The following TAX1BP1 variants were observed in gnomAD, a reference collection of about 807,000 sequenced individuals.
The protein encoded by TAX1BP1 is Tax1 binding protein 1.
In TAX1BP1, 62 loss-of-function variants were observed where a neutral mutation model predicts 97.7. That is an observed-to-expected ratio of 0.63 (90% CI 0.52 to 0.78). TAX1BP1 has a LOEUF of 0.78. Among genes scored for constraint, TAX1BP1 ranks in the 30% least tolerant of loss-of-function variants. The pLI is 0.00. For synonymous variants in TAX1BP1, 340 were observed against 304.2 expected (o/e 1.12, Z -1.23); for missense variants, 867 against 916.1 (o/e 0.95, Z 0.69).
At position 27,763,060 on chromosome 7, in the gene TAX1BP1, C is replaced by T. The variant is rs936649108; in HGVS notation, c.266-2774C>T. Among the ~76,000 whole-genome samples the T allele has an allele frequency of 9.2e-5, 14 of 152,138 alleles. No homozygotes were observed. The South Asian group carries it at 1.0e-3, about 11-fold the overall frequency. On this transcript the variant is annotated intron_variant, in intron 3 of 16. Transcript: ENST00000396319. ...TGAAATTCAGAAATAAAAGCATCTC[C>T]GTGCCTAGAACTTTTTTGTTATATA...
chr7:27,779,050 A>G (rs1012211700), intron 5 of TAX1BP1, among the ~76,000 whole-genome samples: 6 of 151,754 alleles, frequency 4.0e-5, no homozygotes, highest in Admixed American at 3.3e-4. Flanking sequence ...CTCTGTCTCT[A>G]TATTTGCCTT....
chr7:27,800,291 T>C (rs1427774482), intron 13 of TAX1BP1, among the ~76,000 whole-genome samples: 1 of 152,254 alleles, frequency 6.6e-6, no homozygotes, highest in African/African-American at 2.4e-5. Context: ...TTTGCATTGC[T>C]ATTGTGGCTT....
Position 27,787,408 on chromosome 7 carries a change from A to G in TAX1BP1, c.853-10A>G, listed in dbSNP as rs1789529371. ...TAGAATATTCTTGACATTTTCAAAC[A>G]CCATTACAGGTACATTTGAAGAATA... On this transcript the variant is annotated splice_polypyrimidine_tract_variant and intron_variant, in intron 7 of 16. Coordinates refer to ENST00000396319, the MANE Select transcript of TAX1BP1 (RefSeq NM_006024.7). 1.3e-6 allele frequency: 2 copies of G among 1,582,554 alleles called. No homozygotes were observed. The highest frequency in any genetic ancestry group is 2.2e-5 in the East Asian group (1 of 44,474).
chr7:27,809,197 G>A (rs570795401), intron 13 of TAX1BP1, among the ~76,000 whole-genome samples: 15 of 152,088 alleles, frequency 9.9e-5, no homozygotes, highest in Non-Finnish European at 1.8e-4. Flanking sequence ...AATGTAATTC[G>A]AAACAAATGT....
intron 13 of TAX1BP1, among the ~76,000 whole-genome samples, chr7:27,805,170 T>C (rs990093450): frequency 6.6e-6 from 1 of 152,242 alleles, no homozygotes; most frequent in Non-Finnish European, 1.5e-5. Flanking sequence ...GTTTCCCATA[T>C]AAATTGTAAT....
Position 27,829,094 on chromosome 7 carries a change from G to C in TAX1BP1, c.*265G>C, listed in dbSNP as rs1782598956. The C allele has an allele frequency of 3.0e-6, 1 of 333,398 alleles. No individual in the cohort carries two copies. Among genetic ancestry groups the C allele is most frequent in the East Asian group, 5.0e-5 (1 of 19,952 alleles). The allele number at this position is 333,398 out of a possible 1,614,324, so 20.7% of individuals were successfully genotyped here. A position where few individuals can be genotyped will look rare whatever the true frequency, so the allele number is the denominator to read the frequency against. On this transcript the variant is annotated 3_prime_UTR_variant, in exon 17 of 17. Transcript: ENST00000396319. ...ATCTTTATTTATTCCCTAGTTTGCA[G>C]AACTGTCTGAATAAAGGATACAAGG...
At chr7:27,804,415 G>A (rs192263417) in intron 13 of TAX1BP1, among the ~76,000 whole-genome samples, 6 of 152,316 alleles carry the variant, frequency 3.9e-5, no homozygotes, top group Admixed American at 3.3e-4. Context: ...ATGTATGTCT[G>A]TGTGGTATTG....
At chr7:27,776,079 T>C (rs1789023826) in intron 5 of TAX1BP1, among the ~76,000 whole-genome samples, 1 of 152,170 alleles carries the variant, frequency 6.6e-6, no homozygotes, top group Admixed American at 6.5e-5. Context: ...ACATAATTCT[T>C]AGGGAGATTT....
rs576719461 is a variant in TAX1BP1 at position 27,775,921 on chromosome 7, T to C, written c.612+6087T>C. Reference sequence around the variant, plus strand: ...ATGATGTCTTTCTTGATTGCCTGCCTTACACAAGCTAGTTCCAGCTTCTAC... The same window carrying C: ...ATGATGTCTTTCTTGATTGCCTGCCCTACACAAGCTAGTTCCAGCTTCTAC... On this transcript the variant is annotated intron_variant, in intron 5 of 16. Transcript: ENST00000396319. 1.1e-4 allele frequency among the ~76,000 whole-genome samples: 16 copies of C among 152,256 alleles called. 1 individual carries two copies. In the East Asian group the frequency reaches 2.9e-3, roughly 28 times the overall value.
rs60467422 is a variant in TAX1BP1 at position 27,774,869 on chromosome 7, A to AT, written c.612+5039dup. Among the ~76,000 whole-genome samples, 306 of 152,226 alleles carry AT rather than the reference A, an allele frequency of 2.0e-3. 1 individual carries two copies. The highest frequency in any genetic ancestry group is 7.0e-3 in the African/African-American group (293 of 41,568). On this transcript the variant is annotated intron_variant, in intron 5 of 16. Transcript: ENST00000396319. ...TAACAGCTAACAAATGAATTGAAAG[A>AT]TTTTGTATTACTAAAACTCAGCAGT...
chr7:27,773,472 C>T (rs1303751141), intron 5 of TAX1BP1, among the ~76,000 whole-genome samples: 1 of 151,984 alleles, frequency 6.6e-6, no homozygotes, highest in Non-Finnish European at 1.5e-5. Flanking sequence ...TTCCCCCAGT[C>T]CCAGACAGCC....
upstream of TAX1BP1, chr7:27,740,014 A>ACCCGCGGGATGAGGCGT (rs1787501799): frequency 6.6e-6 from 1 of 152,230 alleles, no homozygotes; most frequent in Non-Finnish European, 1.5e-5. Context: ...GAGCCAGCCT[A>ACCCGCGGGATGAGGCGT]CCCGCGGGAT....
chr7:27,802,101 A>G (rs569186228), intron 13 of TAX1BP1, among the ~76,000 whole-genome samples: 2 of 152,350 alleles, frequency 1.3e-5, no homozygotes, highest in South Asian at 2.1e-4. Context: ...AGTCTTGATC[A>G]TTAGGACTTG....
Position 27,765,898 on chromosome 7 carries a change from A to C in TAX1BP1, c.330A>C (p.Glu110Asp). ...YQFCYVTHKG[E>D]IRGASTPFQF... is the part of the protein sequence containing the mutation. ...TCTGTTACGTTACCCATAAGGGTGAAATTCGTGGAGCAAGTACACCTTTCC... is the reference window on the plus strand; with the variant it reads ...TCTGTTACGTTACCCATAAGGGTGACATTCGTGGAGCAAGTACACCTTTCC... The change falls in exon 4 of 17, where the codon GAA becomes GAC. Residue 110 changes from glutamate (E) to aspartate (D), a missense_variant. Glu to Asp is a conservative substitution (Grantham distance 45, BLOSUM62 2). Around this residue, in one of 3 missense-constraint regions of TAX1BP1, gnomAD observed 822 missense variants for 851.4 expected, o/e 0.97. Transcript: ENST00000396319. The C allele has an allele frequency of 6.2e-7, 1 of 1,614,150 alleles. No individual in the cohort carries two copies. The highest frequency in any genetic ancestry group is 8.5e-7 in the Non-Finnish European group (1 of 1,180,020).
intron 5 of TAX1BP1, chr7:27,772,492 G>A (rs1310417135): frequency 6.6e-6 from 1 of 151,820 alleles, no homozygotes; most frequent in Non-Finnish European, 1.5e-5. Flanking sequence ...GAAATTTATT[G>A]CATTTCCATT....
rs780805545 is a variant in TAX1BP1, at chr7:27,827,783, T to C, written c.2131T>C (p.Leu711=). The change falls in exon 16 of 17, where the codon TTA becomes CTA. Residue 711 remains leucine, a synonymous_variant. Transcript: ENST00000396319. ...TGCTCCTGATCCTCCAAGTCAACATTTACGTGGGCATGGGACAGGCTTTTG... is the reference window on the plus strand; with the variant it reads ...TGCTCCTGATCCTCCAAGTCAACATCTACGTGGGCATGGGACAGGCTTTTG... ...PTAPDPPSQH[L]RGHGTGFCFD... 2 of 1,614,018 alleles carry C rather than the reference T, an allele frequency of 1.2e-6. No homozygotes were observed. Among genetic ancestry groups the C allele is most frequent in the South Asian group, 1.1e-5 (1 of 91,072 alleles).
chr7:27,749,685 A>G (rs1787953114), intron 2 of TAX1BP1, among the ~76,000 whole-genome samples: 1 of 152,204 alleles, frequency 6.6e-6, no homozygotes, highest in South Asian at 2.1e-4. Context: ...ATACAACACA[A>G]TAGTTATTTA....
intron 1 of TAX1BP1, among the ~76,000 whole-genome samples, chr7:27,743,765 T>G: frequency 7.0e-5 from 1 of 14,378 alleles, no homozygotes; most frequent in Non-Finnish European, 9.9e-5. Context: ...TTTAGTATCT[T>G]TATTTTTTTT....
intron 4 of TAX1BP1, among the ~76,000 whole-genome samples, 162 bp from the exon 5 acceptor site, chr7:27,769,514 C>A (rs1251608461): frequency 2.6e-5 from 4 of 151,904 alleles, no homozygotes; most frequent in African/African-American, 9.6e-5. Flanking sequence ...ATTTTTCTAA[C>A]TGAAGGCTAA....
Sources: gnomAD v4.1 joint callset for allele counts (sites outside exome capture counted in the v4.1 genomes callset) on GRCh38, gnomAD v4.1.1 for gene constraint, gnomAD v4.1.1 regional missense constraint, MANE v1.5 for transcripts, NCBI Gene and HGNC (gene_info 2026-07-23, HGNC 2026-07-21) for gene names.